Variants in CC2D2B observed in about 807,000 individuals in gnomAD.
The protein encoded by CC2D2B is coiled-coil and C2 domain containing 2B.
In CC2D2B, 128 loss-of-function variants were observed where a neutral mutation model predicts 161.2. The ratio of observed to expected loss-of-function variants is 0.79; its 90% CI spans 0.69 to 0.92. CC2D2B has a LOEUF of 0.92. Among genes scored for constraint, CC2D2B ranks in the 40% least tolerant of loss-of-function variants. The pLI, the probability that CC2D2B is intolerant of heterozygous loss-of-function variation, is 0.00. For synonymous variants in CC2D2B, 391 were observed against 449.8 expected, an observed-to-expected ratio of 0.87 and a Z score of 1.65; for missense variants, 1,173 against 1,375.1, an observed-to-expected ratio of 0.85 and a Z score of 2.32.
In CC2D2B at chr10:96,032,258, G is replaced by T; in HGVS notation, c.*250G>T. 2.5e-6 allele frequency: 1 copy of T among 400,404 alleles called. No individual in the cohort carries two copies. The highest frequency in any genetic ancestry group is 4.5e-6 in the Non-Finnish European group (1 of 222,014). The allele number at this position is 400,404 out of a possible 1,614,324, so 24.8% of individuals were successfully genotyped here. A position where few individuals can be genotyped will look rare whatever the true frequency, so the allele number is the denominator to read the frequency against. On this transcript the variant is annotated 3_prime_UTR_variant, in exon 35 of 35. Coordinates refer to ENST00000646931, the MANE Select transcript of CC2D2B (RefSeq NM_001349008.3). ...CCTTTGGATAGTCTGGCTTTCTTGG[G>T]TCACTGTCTGCAGTAGGTCTTATTC...
At chr10:95,926,048 GC>G (rs2098537812) in intron 5 of CC2D2B, among the ~76,000 whole-genome samples, 1 of 151,900 alleles carries the variant, frequency 6.6e-6, no homozygotes, top group Admixed American at 6.6e-5. Flanking sequence ...CCTCAACAGA[GC>G]ACCTCTTAGA....
At chr10:96,002,754 T>C (rs2141781695) in intron 24 of CC2D2B, among the ~76,000 whole-genome samples, 1 of 152,300 alleles carries the variant, frequency 6.6e-6, no homozygotes, top group South Asian at 2.1e-4. Context: ...CATCATTGCT[T>C]GTAGGCTTCA....
chr10:95,957,881 TAACAA>T (rs1264783882), intron 11 of CC2D2B, among the ~76,000 whole-genome samples: 1 of 142,198 alleles, frequency 7.0e-6, no homozygotes, highest in Non-Finnish European at 1.5e-5. Flanking sequence ...AAAAAAAAAA[TAACAA>T]TAACAAAAAA....
At chr10:95,918,096 T>C (rs2098520027) in intron 2 of CC2D2B, among the ~76,000 whole-genome samples, 1 of 152,166 alleles carries the variant, frequency 6.6e-6, no homozygotes, top group Non-Finnish European at 1.5e-5. Context: ...TTGTAGTTAT[T>C]ATTTTTGATA....
In CC2D2B at chr10:96,032,504, G is replaced by C. The variant is rs149090130; in HGVS notation, c.*496G>C. On this transcript the variant is annotated 3_prime_UTR_variant, in exon 35 of 35. Coordinates refer to ENST00000646931, the MANE Select transcript of CC2D2B (RefSeq NM_001349008.3). ...ATAATTCTGATGCACTGTTATGAGG[G>C]AGAGCCCAGCCTTATAGAATGTTGT... 8.1e-6 allele frequency: 2 copies of C among 247,178 alleles called. No individual in the cohort carries two copies. The highest frequency in any genetic ancestry group is 1.6e-5 in the Non-Finnish European group (2 of 122,684). The allele number at this position is 247,178 out of a possible 1,614,324, so 15.3% of individuals were successfully genotyped here. A position where few individuals can be genotyped will look rare whatever the true frequency, so the allele number is the denominator to read the frequency against.
rs1590643136 is a variant in CC2D2B at position 95,966,252 on chromosome 10, G to A, written c.1416G>A (p.Arg472=). 7.3e-6 allele frequency: 9 copies of A among 1,228,054 alleles called. No homozygotes were observed. In the South Asian group the frequency reaches 3.3e-4, roughly 45 times the overall value. 76.1% of individuals were successfully genotyped at this position (1,228,054 alleles called of 1,614,324 possible). Residue 472 remains arginine, a synonymous_variant, in exon 14 of 35, where the codon AGG becomes AGA. Transcript: ENST00000646931. ...AAAGAATAAAGCCAATTACCTTGAGGCCACAACTTTCTTTCACTGCAGAAT... is the reference window on the plus strand; with the variant it reads ...AAAGAATAAAGCCAATTACCTTGAGACCACAACTTTCTTTCACTGCAGAAT... ...EIERIKPITL[R]PQLSFTAELT...
chr10:96,012,326 C>A lies in CC2D2B; in HGVS notation c.3187C>A (p.Pro1063Thr), dbSNP rs2079028654. ...CTTAAATATTTTTGCTACCATTGAA[C>A]CTCAAATATCATATGTCACCTGTAA... is the stretch of plus-strand genomic sequence containing the variant. ...TFLNIFATIE[P>T]QISYVTCNPT... The change falls in exon 27 of 35, where the codon CCT becomes ACT. Residue 1063 changes from proline (P) to threonine (T), a missense_variant. Around this residue, in one of 3 missense-constraint regions of CC2D2B, gnomAD observed 598 missense variants for 693.2 expected, o/e 0.86. Coordinates refer to ENST00000646931, the MANE Select transcript of CC2D2B (RefSeq NM_001349008.3). 1.4e-6 allele frequency: 1 copy of A among 705,654 alleles called. No individual in the cohort carries two copies. The highest frequency in any genetic ancestry group is 2.6e-6 in the Non-Finnish European group (1 of 382,406). 43.7% of individuals were successfully genotyped at this position (705,654 alleles called of 1,614,324 possible).
chr10:95,988,458 A>G (rs1370938319), intron 20 of CC2D2B, 116 bp downstream of exon 20: 1 of 413,968 alleles, frequency 2.4e-6, no homozygotes, highest in Non-Finnish European at 4.1e-6. Context: ...CTCACTCGTC[A>G]CCTCTTTCAG....
intron 6 of CC2D2B, among the ~76,000 whole-genome samples, chr10:95,935,494 T>G (rs1341877933): frequency 6.6e-6 from 1 of 152,080 alleles, no homozygotes; most frequent in Non-Finnish European, 1.5e-5. Flanking sequence ...ATTTTTTTTT[T>G]TTTTTTGCTT....
chr10:95,981,398 CAAAAAAAAAAAA>C (rs35175559), intron 17 of CC2D2B, among the ~76,000 whole-genome samples: 2 of 88,440 alleles, frequency 2.3e-5, no homozygotes, highest in African/African-American at 8.6e-5. Context: ...GACTCCGTCT[CAAAAAAAAAAAA>C]AAAAAAAAAA....
chr10:96,022,369 C>T (rs775236262), intron 32 of CC2D2B, among the ~76,000 whole-genome samples: 6 of 152,160 alleles, frequency 3.9e-5, no homozygotes, highest in South Asian at 2.1e-4. Context: ...ATCTCTTTCC[C>T]GCTCTCAAAG....
rs147813210 is a variant in CC2D2B at position 95,927,867 on chromosome 10, T to C, written c.336+535T>C. On this transcript the variant is annotated intron_variant, in intron 6 of 34. Transcript: ENST00000646931. ...TCCCCCTCAAACTGTGTAGTCTCCC[T>C]GTTTCCCTGGGGTTGCCCTTTCCTC... Among the ~76,000 whole-genome samples, 764 of 152,030 alleles carry C rather than the reference T, an allele frequency of 5.0e-3. 7 individuals are homozygous for C. Among genetic ancestry groups the C allele is most frequent in the African/African-American group, 0.017 (720 of 41,452 alleles).
In CC2D2B at chr10:95,988,265, AAAGAGAAGGAGGT is replaced by A; in HGVS notation, c.2304_2316del (p.Lys768AsnfsTer6). On this transcript the variant is annotated frameshift_variant, in exon 20 of 35. Transcript: ENST00000646931. LOFTEE classifies it high-confidence loss of function. Reference sequence around the variant, plus strand: ...CTGTATTTAGGAGTATGAAAGTCAGAAAGAGAAGGAGGTATCCGTTTCAGATGTAAATTCTATT... The same window carrying A: ...CTGTATTTAGGAGTATGAAAGTCAGAATCCGTTTCAGATGTAAATTCTATT... The A allele has an allele frequency of 8.2e-7, 1 of 1,218,022 alleles. No homozygotes were observed. The highest frequency in any genetic ancestry group is 4.2e-5 in the Admixed American group (1 of 23,692). 75.5% of individuals were successfully genotyped at this position (1,218,022 alleles called of 1,614,324 possible). A position where few individuals can be genotyped will look rare whatever the true frequency, so the allele number is the denominator to read the frequency against.
At chr10:95,960,521 C>CT (rs5787166) in intron 11 of CC2D2B, among the ~76,000 whole-genome samples, 7 of 151,524 alleles carry the variant, frequency 4.6e-5, no homozygotes, top group South Asian at 2.1e-4. Flanking sequence ...TACATATTTT[C>CT]TTTTTTTTTG....
intron 5 of CC2D2B, among the ~76,000 whole-genome samples, chr10:95,926,248 A>G (rs1340853575): frequency 1.3e-5 from 2 of 152,140 alleles, no homozygotes; most frequent in Non-Finnish European, 2.9e-5. Context: ...TATCAGGAAA[A>G]GGGGTTAAAA....
intron 24 of CC2D2B, among the ~76,000 whole-genome samples, chr10:96,002,112 TA>T (rs2078523877): frequency 1.3e-5 from 2 of 152,146 alleles, no homozygotes; most frequent in South Asian, 4.1e-4. Flanking sequence ...TAGGAGAACA[TA>T]AAACAGTCAA....
chr10:95,993,572 T>C (rs961243385), intron 22 of CC2D2B, among the ~76,000 whole-genome samples: 15 of 152,082 alleles, frequency 9.9e-5, no homozygotes, highest in African/African-American at 3.6e-4. Flanking sequence ...TACAGCCTTG[T>C]TCTTCTAAAA....
intron 9 of CC2D2B, among the ~76,000 whole-genome samples, chr10:95,947,767 A>G: frequency 6.6e-6 from 1 of 151,856 alleles, no homozygotes; most frequent in Non-Finnish European, 1.5e-5. Context: ...AAAAAAAAAA[A>G]GATGGACTAA....
chr10:96,032,211 C>A lies in CC2D2B; in HGVS notation c.*203C>A, dbSNP rs145239832. On this transcript the variant is annotated 3_prime_UTR_variant, in exon 35 of 35. Coordinates refer to ENST00000646931, the MANE Select transcript of CC2D2B (RefSeq NM_001349008.3). ...AGGAGGAGTCTAGATGAGCTTCTCA[C>A]CAGAGACCTCTCCAGGAAGGACCTT... 1.9e-4 allele frequency: 99 copies of A among 517,836 alleles called. 1 individual carries two copies. The highest frequency in any genetic ancestry group is 1.5e-3 in the African/African-American group (78 of 52,956). 32.1% of individuals were successfully genotyped at this position (517,836 alleles called of 1,614,324 possible). A position where few individuals can be genotyped will look rare whatever the true frequency, so the allele number is the denominator to read the frequency against.
Sources: gnomAD v4.1 joint callset for allele counts (sites outside exome capture counted in the v4.1 genomes callset) on GRCh38, gnomAD v4.1.1 for gene constraint, gnomAD v4.1.1 regional missense constraint, MANE v1.5 for transcripts, NCBI Gene and HGNC (gene_info 2026-07-23, HGNC 2026-07-21) for gene names.